ADCY5: variants seen among roughly 807,000 people sequenced by gnomAD.
The protein encoded by ADCY5 is adenylate cyclase type 5.
A neutral mutation model predicts 119.7 loss-of-function variants in ADCY5; 30 were observed. The ratio of observed to expected loss-of-function variants is 0.25; its 90% CI spans 0.19 to 0.34. ADCY5 has a LOEUF of 0.34. Among genes scored for constraint, ADCY5 ranks in the 10% least tolerant of loss-of-function variants. The pLI is 1.00. For missense variants in ADCY5, 1,324 were observed against 1,775.2 expected, an observed-to-expected ratio of 0.75 and a Z score of 4.57; for synonymous variants, 753 against 762.2, an observed-to-expected ratio of 0.99 and a Z score of 0.20.
chr3:123,363,468 C>T (rs1438445640), intron 1 of ADCY5, among the ~76,000 whole-genome samples: 4 of 152,168 alleles, frequency 2.6e-5, no homozygotes, highest in African/African-American at 9.7e-5. Flanking sequence ...TATTCATACC[C>T]TCTGACCCAA....
At chr3:123,354,746 T>G (rs1012628947) in intron 1 of ADCY5, among the ~76,000 whole-genome samples, 4 of 152,044 alleles carry the variant, frequency 2.6e-5, no homozygotes, top group Non-Finnish European at 5.9e-5. Context: ...ATCATGAAAA[T>G]ACTATACAAC....
At chr3:123,385,059 T>C (rs1331295171) in intron 1 of ADCY5, among the ~76,000 whole-genome samples, 1 of 151,996 alleles carries the variant, frequency 6.6e-6, no homozygotes, top group Non-Finnish European at 1.5e-5. Context: ...CTCTGAACAA[T>C]CTGAACGCAG....
Position 123,352,318 on chromosome 3 carries a change from G to A in ADCY5, c.1284+114C>T. On this transcript the variant is annotated intron_variant, in intron 2 of 20. Transcript: ENST00000462833. This position sits in a 1 kb window ranked among gnomAD's most constrained non-coding sequence, Gnocchi z 4.8. ...TCCCCATGGGTTGGTCCCCTCCCGG[G>A]GAGTGGGGCTGGCAGCCGTAATAAG... 1 of 1,342,138 alleles carries A rather than the reference G, an allele frequency of 7.5e-7. No homozygotes were observed. The allele number at this position is 1,342,138 out of a possible 1,614,324, so 83.1% of individuals were successfully genotyped here. A position where few individuals can be genotyped will look rare whatever the true frequency, so the allele number is the denominator to read the frequency against.
intron 1 of ADCY5, among the ~76,000 whole-genome samples, chr3:123,413,966 T>C (rs1576680450): frequency 6.6e-6 from 1 of 152,120 alleles, no homozygotes; most frequent in Non-Finnish European, 1.5e-5. Flanking sequence ...GATGGGACGA[T>C]GCAGAAAGAA....
intron 1 of ADCY5, among the ~76,000 whole-genome samples, chr3:123,438,330 T>C (rs937474791): frequency 1.3e-5 from 2 of 152,166 alleles, no homozygotes; most frequent in African/African-American, 4.8e-5. Flanking sequence ...ATCCAATATT[T>C]CCTAAATTTA....
At chr3:123,392,867 C>T (rs1276037915) in intron 1 of ADCY5, among the ~76,000 whole-genome samples, 1 of 151,788 alleles carries the variant, frequency 6.6e-6, no homozygotes, top group African/African-American at 2.4e-5. Context: ...TTTTTTGTGG[C>T]AGGAGAATAC....
chr3:123,298,830 C>CTTTTTTTTTTT lies in ADCY5; in HGVS notation c.2900+1279_2900+1289dup, dbSNP rs35856404. Among the ~76,000 whole-genome samples the CTTTTTTTTTTT allele has an allele frequency of 3.0e-4, 31 of 102,524 alleles. 3 individuals are homozygous for CTTTTTTTTTTT. The highest frequency in any genetic ancestry group is 5.3e-4 in the African/African-American group (14 of 26,214). 67.3% of individuals were successfully genotyped at this position (102,524 alleles called of 152,430 possible). ...TTTCTCAGGGGACACAAAACTGTCA[C>CTTTTTTTTTTT]TTTTTTTTTTTTTTTTGCACTTCTT... On this transcript the variant is annotated intron_variant, in intron 15 of 20. Transcript: ENST00000462833.
At chr3:123,289,355 G>A (rs544551630) in intron 19 of ADCY5, among the ~76,000 whole-genome samples, 1 of 152,208 alleles carries the variant, frequency 6.6e-6, no homozygotes, top group South Asian at 2.1e-4. Context: ...AAACAAATGG[G>A]ACTGCCATCT....
chr3:123,420,001 T>G (rs1332300844), intron 1 of ADCY5, among the ~76,000 whole-genome samples: 1 of 151,962 alleles, frequency 6.6e-6, no homozygotes, highest in Non-Finnish European at 1.5e-5. Flanking sequence ...CATCACTGTA[T>G]CCCTGGGCTA....
At chr3:123,385,284 G>GACACACACACACACAC (rs146450872) in intron 1 of ADCY5, among the ~76,000 whole-genome samples, 80 of 142,114 alleles carry the variant, frequency 5.6e-4, no homozygotes, top group African/African-American at 1.0e-3. Context: ...GTCCACTGCA[G>GACACACACACACACAC]ACACACACGC....
At chr3:123,322,325 A>G (rs1041201923) in intron 8 of ADCY5, among the ~76,000 whole-genome samples, 10 of 152,206 alleles carry the variant, frequency 6.6e-5, no homozygotes, top group African/African-American at 2.2e-4. Flanking sequence ...AATGTTGTGA[A>G]TAAGCCTGTT....
intron 1 of ADCY5, among the ~76,000 whole-genome samples, chr3:123,389,492 C>A (rs921835491): frequency 4.1e-5 from 6 of 147,082 alleles, no homozygotes; most frequent in African/African-American, 1.5e-4. Flanking sequence ...GGAGAGTTTT[C>A]GCAAAAGAGA....
intron 5 of ADCY5, among the ~76,000 whole-genome samples, chr3:123,329,715 C>T (rs1202380769): frequency 6.6e-6 from 1 of 152,182 alleles, no homozygotes; most frequent in Non-Finnish European, 1.5e-5. Context: ...GGTGGGACCA[C>T]CACTGAGACT....
chr3:123,383,619 G>A (rs1052219573), intron 1 of ADCY5, among the ~76,000 whole-genome samples: 2 of 152,278 alleles, frequency 1.3e-5, no homozygotes, highest in East Asian at 1.9e-4. Flanking sequence ...CAAAGTGCCC[G>A]CCCACGGGGC....
intron 1 of ADCY5, among the ~76,000 whole-genome samples, chr3:123,421,566 C>G (rs886290627): frequency 1.3e-5 from 2 of 152,090 alleles, no homozygotes; most frequent in African/African-American, 4.8e-5. Flanking sequence ...TCTCACAGGG[C>G]AATTGCTCCC....
At chr3:123,415,139 G>A (rs1344156585) in intron 1 of ADCY5, among the ~76,000 whole-genome samples, 1 of 152,198 alleles carries the variant, frequency 6.6e-6, no homozygotes, top group Non-Finnish European at 1.5e-5. Context: ...GGTCTGATAG[G>A]AACTGTTTAT....
At chr3:123,365,532 G>A (rs1456116) in intron 1 of ADCY5, among the ~76,000 whole-genome samples, 59,971 of 152,064 alleles carry the variant, frequency 0.39, 12,461 homozygotes, top group Non-Finnish European at 0.45. Context: ...AGGAGTATTT[G>A]AGCCTGGGTG....
intron 2 of ADCY5, among the ~76,000 whole-genome samples, chr3:123,351,662 C>G (rs2108495953): frequency 6.6e-6 from 1 of 152,316 alleles, no homozygotes; most frequent in South Asian, 2.1e-4. Context: ...AGCCATGACT[C>G]AGAGTCACCA....
intron 1 of ADCY5, among the ~76,000 whole-genome samples, chr3:123,398,963 T>C (rs1944680691): frequency 6.6e-6 from 1 of 152,210 alleles, no homozygotes; most frequent in African/African-American, 2.4e-5. Flanking sequence ...GAATCCCCTG[T>C]TGGACTGGGA....
Sources: gnomAD v4.1 joint callset for allele counts (sites outside exome capture counted in the v4.1 genomes callset) on GRCh38, gnomAD v4.1.1 for gene constraint, Gnocchi (gnomAD v3.1) non-coding constraint, MANE v1.5 for transcripts, NCBI Gene and HGNC (gene_info 2026-07-23, HGNC 2026-07-21) for gene names.